The following CCSER1 variants were observed in gnomAD, a reference collection of about 807,000 sequenced individuals.
CCSER1 encodes coiled-coil serine rich protein 1.
A neutral mutation model predicts 82.0 loss-of-function variants in CCSER1; 41 were observed. That is an observed-to-expected ratio of 0.50 (90% confidence interval 0.39 to 0.65). CCSER1 has a LOEUF of 0.65. CCSER1 is among the 30% of genes least tolerant of loss of function. The pLI, the probability that CCSER1 is intolerant of heterozygous loss-of-function variation, is 0.00. For missense variants in CCSER1, 1,119 were observed against 1,064.2 expected (o/e 1.05, Z -0.72); for synonymous variants, 414 against 383.9 (o/e 1.08, Z -0.92).
chr4:90,606,678 T>TGGATATGCA, intron 5 of CCSER1, among the ~76,000 whole-genome samples: 1 of 152,322 alleles, frequency 6.6e-6, no homozygotes, highest in South Asian at 2.1e-4. Context: ...ATCTATGGCA[T>TGGATATGCA]GGATATGCAG....
intron 10 of CCSER1, among the ~76,000 whole-genome samples, chr4:91,181,338 G>A (rs1205628566): frequency 6.6e-6 from 1 of 152,330 alleles, no homozygotes; most frequent in Admixed American, 6.5e-5. Flanking sequence ...TGAAATCACA[G>A]AACTTCCAGG....
intron 10 of CCSER1, among the ~76,000 whole-genome samples, chr4:91,254,558 AGTT>A (rs1253594330): frequency 6.6e-6 from 1 of 151,992 alleles, no homozygotes; most frequent in Non-Finnish European, 1.5e-5. Context: ...GAAAAGAGGG[AGTT>A]GTTCTTCAAT....
At chr4:91,574,119 A>G (rs568218711) in intron 10 of CCSER1, among the ~76,000 whole-genome samples, 52 of 152,250 alleles carry the variant, frequency 3.4e-4, no homozygotes, top group African/African-American at 1.3e-3. Context: ...CAAAATTTCA[A>G]GAGAAATTTT....
rs1197461462 is a variant in CCSER1 at position 90,489,594 on chromosome 4, A to G, written c.1724+21240A>G. On this transcript the variant is annotated intron_variant, in intron 5 of 10. Transcript: ENST00000509176. ...GTGCAGGTTTGTTACATATGTATAC[A>G]TGCACCATGTTGGTGTGCTGCACCC... Among the ~76,000 whole-genome samples, 8 of 152,174 alleles carry G rather than the reference A, an allele frequency of 5.3e-5. No individual in the cohort carries two copies. The South Asian group carries it at 1.7e-3, about 32-fold the overall frequency.
intron 8 of CCSER1, among the ~76,000 whole-genome samples, chr4:90,904,239 G>T (rs1214667506): frequency 6.6e-6 from 1 of 152,066 alleles, no homozygotes; most frequent in Non-Finnish European, 1.5e-5. Context: ...AGGACTGAGA[G>T]CCAGTGCCAA....
At chr4:91,126,624 A>G (rs1436543327) in intron 10 of CCSER1, among the ~76,000 whole-genome samples, 2 of 152,064 alleles carry the variant, frequency 1.3e-5, no homozygotes, top group Non-Finnish European at 2.9e-5. Context: ...GTAATAGTTT[A>G]GAATGGCAGC....
At chr4:91,083,333 T>C (rs1722998806) in intron 9 of CCSER1, among the ~76,000 whole-genome samples, 4 of 152,082 alleles carry the variant, frequency 2.6e-5, no homozygotes, top group Admixed American at 2.6e-4. Context: ...ACACCTCATG[T>C]TCTCACTCAT....
intron 6 of CCSER1, among the ~76,000 whole-genome samples, chr4:90,715,345 C>T (rs879625869): frequency 6.6e-6 from 1 of 151,980 alleles, no homozygotes; most frequent in Admixed American, 6.6e-5. Flanking sequence ...CTGATTTCTT[C>T]TGTGAGATTC....
At chr4:90,933,199 T>A (rs979080919) in intron 9 of CCSER1, among the ~76,000 whole-genome samples, 4 of 149,274 alleles carry the variant, frequency 2.7e-5, no homozygotes, top group East Asian at 2.0e-4. Flanking sequence ...ATTTTATTTT[T>A]TTTTTTGAGA....
chr4:90,501,277 C>A (rs558263272), intron 5 of CCSER1, among the ~76,000 whole-genome samples: 1 of 152,156 alleles, frequency 6.6e-6, no homozygotes, highest in South Asian at 2.1e-4. Flanking sequence ...GGCTAAGTAG[C>A]TAATTATTGC....
At position 91,600,660 on chromosome 4, in the gene CCSER1, C is replaced by T. The variant is rs1764785615; in HGVS notation, c.*1603C>T. 1 of 152,116 alleles carries T rather than the reference C, an allele frequency of 6.6e-6. No homozygotes were observed. Among genetic ancestry groups the T allele is most frequent in the South Asian group, 2.1e-4 (1 of 4,830 alleles). 9.4% of individuals were successfully genotyped at this position (152,116 alleles called of 1,614,324 possible). On this transcript the variant is annotated 3_prime_UTR_variant, in exon 11 of 11. Transcript: ENST00000509176. ...GGAAAAGCCATTAGACACTCCACCCCTGAGCTTTAACTACTGAACTTTGAT... is the reference window on the plus strand; with the variant it reads ...GGAAAAGCCATTAGACACTCCACCCTTGAGCTTTAACTACTGAACTTTGAT...
chr4:91,389,147 T>C (rs1019829792), intron 10 of CCSER1, among the ~76,000 whole-genome samples: 2 of 152,080 alleles, frequency 1.3e-5, no homozygotes, highest in African/African-American at 4.8e-5. Flanking sequence ...TACCTAAGGT[T>C]ATCTAGGTTT....
intron 5 of CCSER1, among the ~76,000 whole-genome samples, chr4:90,572,733 T>C (rs1264694158): frequency 6.6e-6 from 1 of 152,186 alleles, no homozygotes; most frequent in African/African-American, 2.4e-5. Flanking sequence ...ATGTTTTTCT[T>C]ATTTTACTGG....
intron 10 of CCSER1, among the ~76,000 whole-genome samples, chr4:91,433,783 T>G (rs1754471502): frequency 6.6e-6 from 1 of 152,230 alleles, no homozygotes; most frequent in Non-Finnish European, 1.5e-5. Flanking sequence ...TGTTGTTAGA[T>G]GATGCATGAC....
At chr4:90,767,879 C>T (rs1751485471) in intron 7 of CCSER1, among the ~76,000 whole-genome samples, 1 of 149,518 alleles carries the variant, frequency 6.7e-6, no homozygotes, top group Admixed American at 6.7e-5. Context: ...TGTCGAACTT[C>T]TGGGCTCAAG....
intron 10 of CCSER1, among the ~76,000 whole-genome samples, chr4:91,149,732 G>A (rs1000670893): frequency 1.3e-5 from 2 of 152,150 alleles, no homozygotes; most frequent in Non-Finnish European, 2.9e-5. Context: ...TTTAAAAATA[G>A]GGAATCCTTT....
intron 10 of CCSER1, among the ~76,000 whole-genome samples, chr4:91,471,422 A>G (rs1757266865): frequency 1.3e-5 from 2 of 152,136 alleles, no homozygotes; most frequent in African/African-American, 4.8e-5. Flanking sequence ...CACCTAGGAG[A>G]TGAGATCATT....
intron 10 of CCSER1, among the ~76,000 whole-genome samples, chr4:91,442,024 A>G (rs1355042323): frequency 1.3e-5 from 2 of 152,214 alleles, no homozygotes; most frequent in African/African-American, 4.8e-5. Flanking sequence ...AAGAATCAAT[A>G]TCATGAAAAT....
At chr4:90,132,800 T>G (rs1723024544) in intron 1 of CCSER1, among the ~76,000 whole-genome samples, 2 of 152,232 alleles carry the variant, frequency 1.3e-5, no homozygotes, top group Non-Finnish European at 2.9e-5. Flanking sequence ...TACACTGCAC[T>G]AACTCTTTTC....
Sources: allele counts gnomAD v4.1 joint callset (sites outside exome capture counted in the v4.1 genomes callset), GRCh38; gene constraint gnomAD v4.1.1; transcripts MANE v1.5; gene names NCBI Gene and HGNC (gene_info 2026-07-23, HGNC 2026-07-21).